Variants in KLHL3 observed in about 807,000 individuals in gnomAD.
KLHL3 encodes kelch like family member 3, also known as kelch-like protein 3.
Under a neutral mutation model 70.5 loss-of-function variants are expected in KLHL3, and 19 were observed. That is an observed-to-expected ratio of 0.27 (90% CI 0.19 to 0.40). The LOEUF is 0.40. Ranked by LOEUF, KLHL3 falls within the 10% of genes least tolerant of loss-of-function variation. The pLI is 1.00. For synonymous variants in KLHL3, 258 were observed against 290.3 expected (o/e 0.89, Z 1.13); for missense variants, 512 against 771.1 (o/e 0.66, Z 3.98).
chr5:137,637,258 G>A, intron 11 of KLHL3, 36 bp downstream of exon 11: 2 of 1,577,216 alleles, frequency 1.3e-6, no homozygotes, highest in Non-Finnish European at 1.7e-6. Flanking sequence ...CCGTGGGCCA[G>A]GTAGGCCTGG....
chr5:137,682,112 A>G (rs1250567280), intron 5 of KLHL3, among the ~76,000 whole-genome samples: 1 of 152,070 alleles, frequency 6.6e-6, no homozygotes, highest in Non-Finnish European at 1.5e-5. Context: ...AGCATTTTAC[A>G]TATATTATGT....
chr5:137,693,583 C>G (rs1396696758), intron 4 of KLHL3, among the ~76,000 whole-genome samples: 2 of 152,086 alleles, frequency 1.3e-5, no homozygotes, highest in Non-Finnish European at 2.9e-5. Flanking sequence ...ATGGAAGCAG[C>G]AGGTAGTCTG....
At chr5:137,724,735 G>A (rs1361105914) in intron 1 of KLHL3, among the ~76,000 whole-genome samples, 1 of 152,112 alleles carries the variant, frequency 6.6e-6, no homozygotes, top group Admixed American at 6.5e-5. Flanking sequence ...GTTTGGAGGA[G>A]ACTCTGAGTC....
chr5:137,709,303 G>C (rs1347225731), intron 3 of KLHL3, among the ~76,000 whole-genome samples: 2 of 152,300 alleles, frequency 1.3e-5, no homozygotes, highest in East Asian at 3.9e-4. Flanking sequence ...CAATAGGTAG[G>C]CCAGCTAGTA....
chr5:137,685,602 T>G (rs1004567444), intron 5 of KLHL3, among the ~76,000 whole-genome samples: 1 of 152,262 alleles, frequency 6.6e-6, no homozygotes, highest in Non-Finnish European at 1.5e-5. Context: ...TTTTATTGAA[T>G]ATATTACCTA....
chr5:137,714,790 T>C (rs1311227094), intron 2 of KLHL3, among the ~76,000 whole-genome samples: 1 of 152,178 alleles, frequency 6.6e-6, no homozygotes. Flanking sequence ...GGCATCTGAA[T>C]TATGTCTTGA....
Position 137,639,002 on chromosome 5 carries a change from C to T in KLHL3, c.1170G>A (p.Ala390=), listed in dbSNP as rs759356180. 24 of 1,614,058 alleles carry T rather than the reference C, an allele frequency of 1.5e-5. No homozygotes were observed. The highest frequency in any genetic ancestry group is 6.6e-5 in the South Asian group (6 of 91,076). The change falls in exon 10 of 15, where the codon GCG becomes GCA. Residue 390 remains alanine (A), a synonymous_variant. Transcript: ENST00000309755. This position sits in a 1 kb window ranked among gnomAD's most constrained non-coding sequence, Gnocchi z 5.0. The stretch of plus-strand genomic sequence containing the variant: ...CTGCGTAGAGCAAGTCATTGAGCAC[C>T]GCTGCGCCCAGTGTGCTCCGGCGCT... The part of the protein sequence containing the change: ...MQERRSTLGA[A]VLNDLLYAVG...
rs76028134 is a variant in KLHL3, at chr5:137,696,163, G to C, written c.363+2124C>G. On this transcript the variant is annotated intron_variant, in intron 4 of 14. Transcript: ENST00000309755. ...TCCTCTAGCAAAAACAAAAGGAAAT[G>C]CCCTGCCTCAGAAAGCACCTTCTCC... Among the ~76,000 whole-genome samples, 171 of 152,252 alleles carry C rather than the reference G, an allele frequency of 1.1e-3. 4 individuals are homozygous for C. The East Asian group carries it at 0.029, about 25-fold the overall frequency.
At chr5:137,642,279 C>T (rs985104676) in intron 8 of KLHL3, among the ~76,000 whole-genome samples, 4 of 152,220 alleles carry the variant, frequency 2.6e-5, no homozygotes, top group African/African-American at 9.6e-5. Flanking sequence ...CCACACCCTC[C>T]CACATGCTGT....
intron 1 of KLHL3, among the ~76,000 whole-genome samples, chr5:137,725,646 G>C (rs1007351803): frequency 1.3e-5 from 2 of 152,238 alleles, no homozygotes; most frequent in Non-Finnish European, 2.9e-5. Context: ...ATACAGAAAT[G>C]ATCATCTAAG....
At position 137,658,118 on chromosome 5, in the gene KLHL3, G is replaced by C; in HGVS notation, c.903+13C>G. 2 of 1,608,776 alleles carry C rather than the reference G, an allele frequency of 1.2e-6. No homozygotes were observed. Among genetic ancestry groups the C allele is most frequent in the African/African-American group, 1.3e-5 (1 of 74,502 alleles). ...CAGTCCTGACTCTTGGTGGTGATTG[G>C]GCTGGGGCTTACCTTGGGAAGGCTG... On this transcript the variant is annotated intron_variant, in intron 8 of 14. Transcript: ENST00000309755.
At position 137,617,594 on chromosome 5, in the gene KLHL3, A is replaced by G. The variant is rs546904136; in HGVS notation, c.*4504T>C. On this transcript the variant is annotated 3_prime_UTR_variant, in exon 15 of 15. Transcript: ENST00000309755. ...CATTTGAGGAAATGTTTCTTCAGCT[A>G]TTGCTGTAACTGATCAAGCATGTGA... 49 of 152,352 alleles carry G rather than the reference A, an allele frequency of 3.2e-4. No individual in the cohort carries two copies. Among genetic ancestry groups the G allele is most frequent in the African/African-American group, 1.2e-3 (49 of 41,582 alleles). The allele number at this position is 152,352 out of a possible 1,614,324, so 9.4% of individuals were successfully genotyped here.
chr5:137,730,402 G>C (rs1193010841), intron 1 of KLHL3, among the ~76,000 whole-genome samples: 1 of 152,180 alleles, frequency 6.6e-6, no homozygotes, highest in East Asian at 1.9e-4. Context: ...TTCTGATTAT[G>C]GGAAATTGCA....
chr5:137,687,282 G>GT (rs1752208381), intron 5 of KLHL3, among the ~76,000 whole-genome samples: 1 of 38,190 alleles, frequency 2.6e-5, no homozygotes, highest in African/African-American at 1.4e-4. Context: ...TGTCCGGGAG[G>GT]GAGGTGGGGG....
intron 11 of KLHL3, among the ~76,000 whole-genome samples, chr5:137,636,115 A>G (rs1189289252): frequency 6.6e-6 from 1 of 152,234 alleles, no homozygotes; most frequent in Non-Finnish European, 1.5e-5. Flanking sequence ...ATTGCAAGAT[A>G]CAATTTACCT....
At chr5:137,624,808 A>G (rs1397478622) in intron 14 of KLHL3, among the ~76,000 whole-genome samples, 4 of 152,178 alleles carry the variant, frequency 2.6e-5, no homozygotes, top group African/African-American at 9.7e-5. Flanking sequence ...CCATGGATAT[A>G]TATTTGCTCA....
intron 12 of KLHL3, among the ~76,000 whole-genome samples, chr5:137,632,659 G>C (rs903718984): frequency 6.6e-6 from 1 of 151,938 alleles, no homozygotes; most frequent in African/African-American, 2.4e-5. Flanking sequence ...TAGACAAATG[G>C]GACTTAATTA....
At chr5:137,663,393 A>G (rs1751534674) in intron 6 of KLHL3, among the ~76,000 whole-genome samples, 1 of 151,812 alleles carries the variant, frequency 6.6e-6, no homozygotes, top group Non-Finnish European at 1.5e-5. Context: ...ACAGATACCA[A>G]CATCTGCCAA....
At chr5:137,672,506 C>T (rs1270116528) in intron 6 of KLHL3, among the ~76,000 whole-genome samples, 3 of 152,174 alleles carry the variant, frequency 2.0e-5, no homozygotes, top group Non-Finnish European at 2.9e-5. Context: ...CCAGAACATA[C>T]TTAACACTAA....
Sources: allele counts gnomAD v4.1 joint callset (sites outside exome capture counted in the v4.1 genomes callset), GRCh38; gene constraint gnomAD v4.1.1; non-coding constraint Gnocchi (gnomAD v3.1); transcripts MANE v1.5; gene names NCBI Gene and HGNC (gene_info 2026-07-23, HGNC 2026-07-21).